Variants in RGL1 observed in about 807,000 individuals in gnomAD.
The protein encoded by RGL1 is ral guanine nucleotide dissociation stimulator like 1.
A neutral mutation model predicts 95.2 loss-of-function variants in RGL1; 24 were observed. The observed-to-expected ratio is 0.25, with a 90% confidence interval of 0.18 to 0.35. RGL1 has a LOEUF of 0.35. Ranked by LOEUF, RGL1 falls within the 10% of genes least tolerant of loss-of-function variation. RGL1 has a pLI of 1.00. For synonymous variants in RGL1, 329 were observed against 344.9 expected, an observed-to-expected ratio of 0.95 and a Z score of 0.51; for missense variants, 715 against 936.3, an observed-to-expected ratio of 0.76 and a Z score of 3.08.
At chr1:183,797,722 G>C (rs1660771718) in intron 2 of RGL1, among the ~76,000 whole-genome samples, 1 of 152,182 alleles carries the variant, frequency 6.6e-6, no homozygotes, top group African/African-American at 2.4e-5. Context: ...AAGGAAGGTT[G>C]AAAGTTCAAG....
At chr1:183,674,838 T>A (rs546467442) in intron 1 of RGL1, among the ~76,000 whole-genome samples, 20 of 152,368 alleles carry the variant, frequency 1.3e-4, no homozygotes, top group Non-Finnish European at 2.5e-4. Context: ...TTAGGATTTG[T>A]GTTAATGCCC....
At chr1:183,858,080 G>T (rs1558253009) in intron 3 of RGL1, among the ~76,000 whole-genome samples, 2 of 151,982 alleles carry the variant, frequency 1.3e-5, no homozygotes, top group Non-Finnish European at 2.9e-5. Context: ...TTTTTGAAAA[G>T]AATATAAAAT....
chr1:183,839,492 G>A lies in RGL1; in HGVS notation c.139-8074G>A, dbSNP rs545022170. On this transcript the variant is annotated intron_variant, in intron 2 of 17. Transcript: ENST00000360851. ...GATTATTTGATGGGAGGGTAAATGTGTCCCTCCCATCTGCCACCTTCTCCA... is the reference window on the plus strand; with the variant it reads ...GATTATTTGATGGGAGGGTAAATGTATCCCTCCCATCTGCCACCTTCTCCA... Among the ~76,000 whole-genome samples, 3 of 152,250 alleles carry A rather than the reference G, an allele frequency of 2.0e-5. No homozygotes were observed. The South Asian group carries it at 6.2e-4, about 32-fold the overall frequency.
chr1:183,678,927 C>T (rs778293317), intron 1 of RGL1, among the ~76,000 whole-genome samples: 37 of 152,288 alleles, frequency 2.4e-4, no homozygotes, highest in Middle Eastern at 3.4e-3. Flanking sequence ...TTACTGAAGC[C>T]GCTAGGGCTG....
intron 2 of RGL1, among the ~76,000 whole-genome samples, chr1:183,847,315 C>G (rs1225165140): frequency 1.3e-5 from 2 of 151,942 alleles, no homozygotes; most frequent in East Asian, 3.9e-4. Flanking sequence ...ATGAGCAGAG[C>G]ATGGTTGCCT....
intron 1 of RGL1, among the ~76,000 whole-genome samples, chr1:183,667,988 TA>T (rs1201851921): frequency 8.4e-6 from 1 of 119,544 alleles, no homozygotes; most frequent in African/African-American, 2.9e-5. Context: ...TTATTTTACT[TA>T]CATGCTTATA....
At chr1:183,725,921 G>A (rs1645691633) in intron 1 of RGL1, among the ~76,000 whole-genome samples, 1 of 152,094 alleles carries the variant, frequency 6.6e-6, no homozygotes, top group South Asian at 2.1e-4. Context: ...CATTAAACAA[G>A]TCTCCAGAAA....
At chr1:183,819,285 C>A (rs1277743620) in intron 2 of RGL1, among the ~76,000 whole-genome samples, 2 of 152,102 alleles carry the variant, frequency 1.3e-5, no homozygotes, top group Non-Finnish European at 2.9e-5. Flanking sequence ...AATGATGAGG[C>A]CTGTTACTCT....
At chr1:183,918,242 A>ACCC (rs1410646982) in intron 16 of RGL1, among the ~76,000 whole-genome samples, 1 of 152,182 alleles carries the variant, frequency 6.6e-6, no homozygotes, top group Non-Finnish European at 1.5e-5. Context: ...CTGAGATCAA[A>ACCC]TACTGGGAGT....
chr1:183,685,197 T>A (rs1215271029), intron 1 of RGL1, among the ~76,000 whole-genome samples: 3 of 152,180 alleles, frequency 2.0e-5, no homozygotes, highest in African/African-American at 4.8e-5. Context: ...GTTCTTTAAC[T>A]CAAGAACTTT....
chr1:183,802,276 G>A (rs1359523690), upstream of RGL1, among the ~76,000 whole-genome samples: 3 of 152,056 alleles, frequency 2.0e-5, no homozygotes, highest in African/African-American at 7.2e-5. Flanking sequence ...TGGGCTTTCT[G>A]TTCTGTTCCA....
chr1:183,775,945 T>C (rs995429177), intron 2 of RGL1, among the ~76,000 whole-genome samples: 2 of 152,146 alleles, frequency 1.3e-5, no homozygotes, highest in Admixed American at 1.3e-4. Flanking sequence ...TCTTTAACAG[T>C]TCTAAAAATT....
At position 183,796,320 on chromosome 1, in the gene RGL1, C is replaced by T. The variant is rs983044597; in HGVS notation, c.133-10055C>T. The stretch of plus-strand genomic sequence containing the variant: ...GCTGGGATACAGGCACATGCCACCA[C>T]ACCCAGCTAATTTTTGTATTTTTAG... On this transcript the variant is annotated intron_variant, in intron 2 of 18. Transcript: ENST00000304685. Among the ~76,000 whole-genome samples the T allele has an allele frequency of 3.9e-5, 6 of 152,130 alleles. No homozygotes were observed. In the South Asian group the frequency reaches 1.0e-3, roughly 26 times the overall value.
At chr1:183,759,485 G>C (rs1486681664) in intron 2 of RGL1, among the ~76,000 whole-genome samples, 1 of 152,168 alleles carries the variant, frequency 6.6e-6, no homozygotes, top group East Asian at 1.9e-4. Flanking sequence ...TATGCTCTCT[G>C]ACTTTTGTTA....
chr1:183,828,039 T>G (rs557293145), intron 2 of RGL1, among the ~76,000 whole-genome samples: 9 of 152,360 alleles, frequency 5.9e-5, no homozygotes, highest in African/African-American at 2.2e-4. Context: ...CTAGTGATTA[T>G]TAGCTTAGCT....
intron 3 of RGL1, among the ~76,000 whole-genome samples, chr1:183,849,242 C>T (rs942002711): frequency 1.5e-4 from 23 of 152,068 alleles, no homozygotes; most frequent in African/African-American, 4.1e-4. Context: ...CATGCCACCA[C>T]GCCTGGCCAG....
chr1:183,831,159 G>A (rs1020795043), intron 2 of RGL1, among the ~76,000 whole-genome samples: 1 of 152,196 alleles, frequency 6.6e-6, no homozygotes, highest in African/African-American at 2.4e-5. Context: ...GATGGGAAGT[G>A]TGACACTGAC....
chr1:183,851,652 C>T (rs1472558603), intron 3 of RGL1, among the ~76,000 whole-genome samples: 2 of 152,166 alleles, frequency 1.3e-5, no homozygotes, highest in Non-Finnish European at 2.9e-5. Flanking sequence ...GCAGATGAAA[C>T]AGGATATAGA....
At chr1:183,718,135 A>G (rs914930844) in intron 1 of RGL1, among the ~76,000 whole-genome samples, 1 of 151,910 alleles carries the variant, frequency 6.6e-6, no homozygotes, top group African/African-American at 2.4e-5. Flanking sequence ...AGTCCCAGCT[A>G]CTTGGGAGGC....
Sources: gnomAD v4.1 joint callset for allele counts (sites outside exome capture counted in the v4.1 genomes callset) on GRCh38, gnomAD v4.1.1 for gene constraint, MANE v1.5 for transcripts, NCBI Gene and HGNC (gene_info 2026-07-23, HGNC 2026-07-21) for gene names.